The following DLG2 variants were observed in gnomAD, a reference collection of about 807,000 sequenced individuals.
DLG2 encodes disks large homolog 2.
In DLG2, 45 loss-of-function variants were observed where a neutral mutation model predicts 132.5. The ratio of observed to expected loss-of-function variants is 0.34; its 90% confidence interval spans 0.27 to 0.44. DLG2 has a LOEUF of 0.44. Among genes scored for constraint, DLG2 ranks in the 20% least tolerant of loss-of-function variants. The probability of loss-of-function intolerance (pLI) is 1.00; values close to 1 mark genes in which losing one functional copy is unlikely to be tolerated. For missense variants in DLG2, 1,045 were observed against 1,196.9 expected, an observed-to-expected ratio of 0.87 and a Z score of 1.87; for synonymous variants, 424 against 419.6, an observed-to-expected ratio of 1.01 and a Z score of -0.13.
Position 84,693,769 on chromosome 11 carries a change from T to C in DLG2, c.358-159038A>G, listed in dbSNP as rs555955020. ...GCACCATATGGGTCTTTGTAGTATT[T>C]TTCAATGAGTCACACAGCTTCAGAA... On this transcript the variant is annotated intron_variant, in intron 6 of 27. Transcript: ENST00000376104. Among the ~76,000 whole-genome samples, 13 of 151,752 alleles carry C rather than the reference T, an allele frequency of 8.6e-5. No individual in the cohort carries two copies. In the South Asian group the frequency reaches 1.0e-3, roughly 12 times the overall value.
intron 6 of DLG2, among the ~76,000 whole-genome samples, chr11:84,556,810 C>T (rs1230157860): frequency 6.6e-6 from 1 of 152,234 alleles, no homozygotes; most frequent in Non-Finnish European, 1.5e-5. Context: ...TAATTGAGAA[C>T]ATGTAGTATT....
chr11:84,794,881 A>G (rs766439463), intron 6 of DLG2, among the ~76,000 whole-genome samples: 4 of 152,120 alleles, frequency 2.6e-5, no homozygotes, highest in Middle Eastern at 3.2e-3. Context: ...GCTCGGCAAG[A>G]GCCTGCAGGC....
intron 3 of DLG2, among the ~76,000 whole-genome samples, chr11:85,369,098 C>T (rs2084774088): frequency 6.6e-6 from 1 of 152,144 alleles, no homozygotes; most frequent in East Asian, 1.9e-4. Flanking sequence ...GCATTTTCAT[C>T]CTCAGACTAC....
intron 11 of DLG2, among the ~76,000 whole-genome samples, chr11:84,042,350 CCTGGAT>C (rs2096111119): frequency 6.6e-6 from 1 of 151,524 alleles, no homozygotes; most frequent in Admixed American, 6.6e-5. Flanking sequence ...AAATGGTAAG[CCTGGAT>C]CTCTCTCATT....
At chr11:85,224,645 G>T (rs1192222162) in intron 4 of DLG2, among the ~76,000 whole-genome samples, 1 of 152,074 alleles carries the variant, frequency 6.6e-6, no homozygotes, top group East Asian at 1.9e-4. Context: ...GGTTGATAGG[G>T]TTATGAATGA....
chr11:84,784,937 G>A (rs540683220), intron 6 of DLG2, among the ~76,000 whole-genome samples: 74 of 152,214 alleles, frequency 4.9e-4, no homozygotes, highest in African/African-American at 1.5e-3. Context: ...AGCCAAGAGA[G>A]TTGGTGTAAA....
intron 7 of DLG2, among the ~76,000 whole-genome samples, chr11:84,318,841 C>T (rs907402414): frequency 3.3e-5 from 5 of 152,140 alleles, no homozygotes; most frequent in Non-Finnish European, 7.4e-5. Flanking sequence ...AAGCACCTTT[C>T]ACACCGTCCA....
At chr11:85,575,146 T>C (rs923674736) in intron 3 of DLG2, among the ~76,000 whole-genome samples, 1 of 150,010 alleles carries the variant, frequency 6.7e-6, no homozygotes, top group African/African-American at 2.5e-5. Context: ...TCCTACCTCA[T>C]TCACAAAAAA....
At chr11:83,472,810 C>G (rs1207880008) in intron 22 of DLG2, 33 bp from the exon 23 acceptor site, 1 of 1,583,136 alleles carries the variant, frequency 6.3e-7, no homozygotes, top group South Asian at 1.1e-5. Flanking sequence ...CCACAGTGAA[C>G]TAACAGTCAT....
At chr11:83,615,307 A>G (rs556353976) in intron 19 of DLG2, among the ~76,000 whole-genome samples, 1 of 152,352 alleles carries the variant, frequency 6.6e-6, no homozygotes, top group East Asian at 1.9e-4. Flanking sequence ...GGCAATTGAC[A>G]TTACTGTTGG....
At chr11:83,907,319 G>A (rs2154106747) in intron 15 of DLG2, among the ~76,000 whole-genome samples, 1 of 152,226 alleles carries the variant, frequency 6.6e-6, no homozygotes, top group South Asian at 2.1e-4. Flanking sequence ...TGAGGAATAT[G>A]GGCAGGTAAA....
intron 3 of DLG2, among the ~76,000 whole-genome samples, chr11:85,594,676 CATA>C (rs575043943): frequency 6.1e-4 from 92 of 152,062 alleles, no homozygotes; most frequent in African/African-American, 2.0e-3. Context: ...TTAACTAACC[CATA>C]ATATTATTTA....
intron 6 of DLG2, among the ~76,000 whole-genome samples, chr11:84,685,792 G>T (rs919061398): frequency 1.3e-5 from 2 of 151,758 alleles, no homozygotes; most frequent in African/African-American, 4.8e-5. Flanking sequence ...TGCAAGCTCC[G>T]CCCCCTGGGT....
At chr11:85,060,682 T>C (rs2064010149) in intron 6 of DLG2, among the ~76,000 whole-genome samples, 1 of 151,740 alleles carries the variant, frequency 6.6e-6, no homozygotes, top group Non-Finnish European at 1.5e-5. Context: ...TCAAATTCTT[T>C]TGGATAAATA....
intron 3 of DLG2, among the ~76,000 whole-genome samples, chr11:85,535,687 T>C (rs2075533566): frequency 6.6e-6 from 1 of 152,168 alleles, no homozygotes; most frequent in African/African-American, 2.4e-5. Flanking sequence ...TACACAAATG[T>C]TCATAGCAGC....
At chr11:83,877,206 A>C (rs566800084) in intron 15 of DLG2, among the ~76,000 whole-genome samples, 1 of 152,290 alleles carries the variant, frequency 6.6e-6, no homozygotes, top group South Asian at 2.1e-4. Flanking sequence ...ACACCCTAAC[A>C]ATTTAATAGA....
intron 14 of DLG2, among the ~76,000 whole-genome samples, chr11:83,948,697 T>C (rs191937264): frequency 4.6e-5 from 7 of 152,192 alleles, no homozygotes; most frequent in Admixed American, 1.3e-4. Context: ...CATAAAGATA[T>C]GGATTTTGGA....
chr11:85,408,159 A>T (rs149706379), intron 3 of DLG2, among the ~76,000 whole-genome samples: 7,030 of 149,352 alleles, frequency 0.047, 218 homozygotes, highest in East Asian at 0.095. Context: ...ATAAAATAAG[A>T]TTTAATATAT....
chr11:85,543,376 C>T (rs1358798501), intron 3 of DLG2, among the ~76,000 whole-genome samples: 2 of 152,190 alleles, frequency 1.3e-5, no homozygotes, highest in Admixed American at 1.3e-4. Context: ...TTTCTTTATC[C>T]AGTCTATCAT....
Sources: allele counts gnomAD v4.1 joint callset (sites outside exome capture counted in the v4.1 genomes callset), GRCh38; gene constraint gnomAD v4.1.1; transcripts MANE v1.5; gene names NCBI Gene and HGNC (gene_info 2026-07-23, HGNC 2026-07-21).